Variants in IGSF10 observed in about 807,000 individuals in gnomAD.
IGSF10 encodes the protein immunoglobulin superfamily member 10.
IGSF10 carries 126 observed loss-of-function variants against 128.2 expected under a neutral mutation model. The observed-to-expected ratio is 0.98, with a 90% CI of 0.85 to 1.14. IGSF10 has a LOEUF of 1.14. Ranked by LOEUF, IGSF10 falls within the 50% of genes most tolerant of loss-of-function variation. The pLI is 0.00. For missense variants in IGSF10, 3,295 were observed against 3,149.8 expected, an observed-to-expected ratio of 1.05 and a Z score of -1.10; for synonymous variants, 1,185 against 1,146.2, an observed-to-expected ratio of 1.03 and a Z score of -0.68.
chr3:151,459,400 AGG>A (rs1721948950), intron 2 of IGSF10, among the ~76,000 whole-genome samples: 1 of 152,224 alleles, frequency 6.6e-6, no homozygotes, highest in Non-Finnish European at 1.5e-5. Flanking sequence ...ATCCACTGGA[AGG>A]GAGAATAAAT....
chr3:151,495,419 C>T, the IGSF10 span, among the ~76,000 whole-genome samples: 1 of 151,998 alleles, frequency 6.6e-6, no homozygotes, highest in Non-Finnish European at 1.5e-5. Flanking sequence ...TGATCTACCA[C>T]GAATGTCAAT....
chr3:151,451,194 GCCCCATTGGCTCTGGCATA>G (rs1323771402), intron 5 of IGSF10, among the ~76,000 whole-genome samples: 4 of 151,250 alleles, frequency 2.6e-5, no homozygotes, highest in Non-Finnish European at 5.9e-5. Context: ...ACCCTGCCAT[GCCCCATTGGCTCTGGCATA>G]CGCTGTTCCT....
upstream of IGSF10, among the ~76,000 whole-genome samples, chr3:151,464,338 C>T (rs1032284843): frequency 1.3e-5 from 2 of 152,148 alleles, no homozygotes; most frequent in African/African-American, 2.4e-5. Context: ...GTAAACACGA[C>T]AATAAATATA....
the IGSF10 span, among the ~76,000 whole-genome samples, chr3:151,588,800 A>G: frequency 6.6e-6 from 1 of 152,208 alleles, no homozygotes; most frequent in Non-Finnish European, 1.5e-5. Flanking sequence ...GAGAATATAC[A>G]ATAGAATATC....
At chr3:151,613,897 A>C in the IGSF10 span, among the ~76,000 whole-genome samples, 1 of 152,192 alleles carries the variant, frequency 6.6e-6, no homozygotes, top group Admixed American at 6.5e-5. Context: ...CAACCTACAG[A>C]ATGGGAGAAA....
the IGSF10 span, among the ~76,000 whole-genome samples, chr3:151,487,008 C>CA: frequency 1.1e-5 from 1 of 87,556 alleles, no homozygotes; most frequent in African/African-American, 4.9e-5. Context: ...AGGAGATAGA[C>CA]ATGAAATACC....
Position 151,447,989 on chromosome 3 carries a change from C to A in IGSF10, c.1992G>T (p.Met664Ile). The A allele has an allele frequency of 1.2e-6, 2 of 1,614,176 alleles. No homozygotes were observed. The highest frequency in any genetic ancestry group is 1.7e-6 in the Non-Finnish European group (2 of 1,180,034). ...CATGCTCCAAGGGCCTTTGTCCTTT[C>A]ATCTTGACTGAAACTTGGAAAATCA... Reference protein sequence around the residue: ...DFLIFQVSVKMKGQRPLEHDG... With the variant: ...DFLIFQVSVKIKGQRPLEHDG... Residue 664 changes from methionine to isoleucine, a missense_variant, in exon 6 of 8, where the codon ATG becomes ATT. Met to Ile is a conservative substitution (Grantham distance 10). Coordinates refer to ENST00000282466, the MANE Select transcript of IGSF10 (RefSeq NM_178822.5).
At chr3:151,462,056 T>A (rs1181054184), upstream of IGSF10, among the ~76,000 whole-genome samples, 1 of 152,096 alleles carries the variant, frequency 6.6e-6, no homozygotes, top group African/African-American at 2.4e-5. Context: ...AACCCTACCA[T>A]CTGGAGGCAG....
At chr3:151,549,517 G>T in the IGSF10 span, among the ~76,000 whole-genome samples, 99 of 152,296 alleles carry the variant, frequency 6.5e-4, 1 homozygote, top group South Asian at 0.02. Flanking sequence ...AGGGTTTGCA[G>T]CATGAATTCA....
At chr3:151,559,678 G>A in the IGSF10 span, among the ~76,000 whole-genome samples, 1 of 152,136 alleles carries the variant, frequency 6.6e-6, no homozygotes, top group Non-Finnish European at 1.5e-5. Flanking sequence ...AAAAGGTAGG[G>A]TTGGGAGCGT....
chr3:151,619,156 T>C, the IGSF10 span, among the ~76,000 whole-genome samples: 1 of 152,108 alleles, frequency 6.6e-6, no homozygotes. Context: ...GTATGGAGAA[T>C]AAACATATAA....
chr3:151,513,390 A>T, the IGSF10 span, among the ~76,000 whole-genome samples: 6 of 152,218 alleles, frequency 3.9e-5, no homozygotes. Context: ...ATCTCAATAG[A>T]TGCAGAAAAG....
Position 151,460,311 on chromosome 3 carries a change from G to A in IGSF10, c.-52C>T. 1.0e-6 allele frequency: 1 copy of A among 983,450 alleles called. No homozygotes were observed. Among genetic ancestry groups the A allele is most frequent in the Non-Finnish European group, 1.2e-6 (1 of 828,124 alleles). 60.9% of individuals were successfully genotyped at this position (983,450 alleles called of 1,614,324 possible). On this transcript the variant is annotated 5_prime_UTR_variant, in exon 2 of 8. Coordinates refer to ENST00000282466, the MANE Select transcript of IGSF10 (RefSeq NM_178822.5). ...TCCTCTTGTGACATAGGCAGAGACA[G>A]AAAATCTTCCCAGGAAATGGAAAAT...
At chr3:151,452,426 T>A (rs893417366) in intron 5 of IGSF10, among the ~76,000 whole-genome samples, 1 of 152,226 alleles carries the variant, frequency 6.6e-6, no homozygotes, top group Non-Finnish European at 1.5e-5. Flanking sequence ...TAATTATTTA[T>A]GTATCTAAAC....
the IGSF10 span, among the ~76,000 whole-genome samples, chr3:151,471,634 T>C: frequency 6.4e-3 from 977 of 152,326 alleles, 12 homozygotes; most frequent in African/African-American, 0.022. Context: ...TGGAATGATA[T>C]AGAAACTATG....
At chr3:151,440,346 T>C (rs954250008) in intron 7 of IGSF10, among the ~76,000 whole-genome samples, 2 of 152,138 alleles carry the variant, frequency 1.3e-5, no homozygotes, top group Non-Finnish European at 2.9e-5. Context: ...TCACTGTTAT[T>C]CTCCAGCAAA....
At chr3:151,538,196 C>T in the IGSF10 span, among the ~76,000 whole-genome samples, 4 of 152,150 alleles carry the variant, frequency 2.6e-5, no homozygotes, top group Non-Finnish European at 5.9e-5. Context: ...ATTTGATATT[C>T]TTAGAGGTTT....
chr3:151,456,543 A>G (rs1418136483), intron 4 of IGSF10, among the ~76,000 whole-genome samples: 1 of 151,926 alleles, frequency 6.6e-6, no homozygotes, highest in African/African-American at 2.4e-5. Flanking sequence ...TTACTTTCTC[A>G]CTTACTTTTG....
Position 151,446,127 on chromosome 3 carries a change from G to A in IGSF10, c.3854C>T (p.Thr1285Ile), listed in dbSNP as rs1171255428. 1.2e-6 allele frequency: 2 copies of A among 1,614,174 alleles called. No homozygotes were observed. Among genetic ancestry groups the A allele is most frequent in the Admixed American group, 3.3e-5 (2 of 60,024 alleles). ...GGGTGGGAAGGGAAGCTCCTTCTTT[G>A]TTGGAAGACTTCCAGGATTGTGTGT... ...TKTHNPGSLP[T>I]KKELPFPPLN... The change falls in exon 6 of 8, where the codon ACA becomes ATA. Residue 1285 changes from threonine (T) to isoleucine (I), a missense_variant. By Grantham distance (89) the Thr-to-Ile change is moderately conservative. Transcript: ENST00000282466.
Sources: gnomAD v4.1 joint callset for allele counts (sites outside exome capture counted in the v4.1 genomes callset) on GRCh38, gnomAD v4.1.1 for gene constraint, MANE v1.5 for transcripts, NCBI Gene and HGNC (gene_info 2026-07-23, HGNC 2026-07-21) for gene names.